Variants in SARNP observed in about 807,000 individuals in gnomAD.
SARNP encodes SAP domain containing ribonucleoprotein.
Under a neutral mutation model 38.1 loss-of-function variants are expected in SARNP, and 5 were observed. The ratio of observed to expected loss-of-function variants is 0.13; its 90% CI spans 0.07 to 0.28. SARNP has a LOEUF of 0.28. Among genes scored for constraint, SARNP ranks in the 10% least tolerant of loss-of-function variants. The pLI, the probability that SARNP is intolerant of heterozygous loss-of-function variation, is 1.00. For synonymous variants in SARNP, 84 were observed against 80.6 expected (o/e 1.04, Z -0.23); for missense variants, 180 against 243.9 (o/e 0.74, Z 1.75).
chr12:55,769,222 G>A (rs1291873173), intron 9 of SARNP, among the ~76,000 whole-genome samples: 2 of 152,180 alleles, frequency 1.3e-5, no homozygotes, highest in African/African-American at 2.4e-5. Context: ...ACTGAATTAT[G>A]TGACATCAGG....
chr12:55,798,737 C>T (rs758804703), intron 4 of SARNP, among the ~76,000 whole-genome samples: 7 of 151,976 alleles, frequency 4.6e-5, no homozygotes, highest in Admixed American at 1.3e-4. Context: ...CTATTAAATG[C>T]TAGAAAGAAC....
intron 6 of SARNP, among the ~76,000 whole-genome samples, chr12:55,794,597 C>T (rs1045370513): frequency 2.0e-5 from 3 of 152,200 alleles, no homozygotes; most frequent in African/African-American, 7.2e-5. Flanking sequence ...CTGGCTTTAA[C>T]TGTTACAAAA....
In SARNP at chr12:55,757,596, ATAGT is replaced by A. The variant is rs985574134; in HGVS notation, c.592-47_592-44del. 2.6e-6 allele frequency: 4 copies of A among 1,540,124 alleles called. No individual in the cohort carries two copies. In the African/African-American group the frequency reaches 4.1e-5, roughly 16 times the overall value. ...GAAGAAAAAAATTAGACTGAAGACA[ATAGT>A]TGCCTGGGTTCCTGGCTGCTTTAAT... On this transcript the variant is annotated intron_variant, in intron 10 of 10. Coordinates refer to ENST00000336133, the MANE Select transcript of SARNP (RefSeq NM_033082.4).
intron 9 of SARNP, among the ~76,000 whole-genome samples, chr12:55,781,993 T>C (rs1004526780): frequency 6.6e-6 from 1 of 152,206 alleles, no homozygotes; most frequent in Non-Finnish European, 1.5e-5. Flanking sequence ...TGTGAACCTC[T>C]GTGCCCAGTC....
intron 9 of SARNP, among the ~76,000 whole-genome samples, chr12:55,768,048 AAC>A (rs1565671661): frequency 6.6e-6 from 1 of 152,130 alleles, no homozygotes; most frequent in Non-Finnish European, 1.5e-5. Context: ...GTTGTGGAAG[AAC>A]AGTTACTGGA....
chr12:55,773,471 C>T (rs1403161213), intron 9 of SARNP, among the ~76,000 whole-genome samples: 3 of 152,160 alleles, frequency 2.0e-5, no homozygotes, highest in Non-Finnish European at 4.4e-5. Flanking sequence ...TCACAGAGGA[C>T]TCTAGGTAGC....
chr12:55,773,694 A>G (rs1278888843), intron 9 of SARNP, among the ~76,000 whole-genome samples: 1 of 152,162 alleles, frequency 6.6e-6, no homozygotes, highest in African/African-American at 2.4e-5. Context: ...AAAGTGGGGG[A>G]AAAGGAAAAT....
downstream of SARNP, chr12:55,754,025 G>A (rs2136171170): frequency 6.6e-6 from 1 of 152,326 alleles, no homozygotes; most frequent in South Asian, 2.1e-4. Context: ...CAGAATTGGG[G>A]ACAGCGCTAC....
intron 9 of SARNP, among the ~76,000 whole-genome samples, chr12:55,776,898 C>CA (rs1270113550): frequency 6.6e-6 from 1 of 152,144 alleles, no homozygotes. Context: ...GTTTGTCTGG[C>CA]AAAAACAAAC....
At chr12:55,756,176 G>A, downstream of SARNP, 1 of 152,178 alleles carries the variant, frequency 6.6e-6, no homozygotes, top group East Asian at 1.9e-4. Flanking sequence ...ACAGAAAAGA[G>A]GGAAAAGGGA....
chr12:55,763,149 T>C (rs758845371), intron 9 of SARNP, among the ~76,000 whole-genome samples: 2 of 152,180 alleles, frequency 1.3e-5, no homozygotes, highest in South Asian at 2.1e-4. Context: ...CTCTGAACTA[T>C]TGTAAAAACA....
chr12:55,794,497 G>T, intron 6 of SARNP, 110 bp from the exon 7 acceptor site: 1 of 917,740 alleles, frequency 1.1e-6, no homozygotes, highest in Non-Finnish European at 1.7e-6. Flanking sequence ...CTCAAGCCTT[G>T]CAATCATTAG....
At chr12:55,768,330 A>G (rs1377844323) in intron 9 of SARNP, among the ~76,000 whole-genome samples, 2 of 151,194 alleles carry the variant, frequency 1.3e-5, no homozygotes, top group East Asian at 3.9e-4. Context: ...GGGTTTCTCC[A>G]TGTTGGCTTG....
rs1372884262 is a variant in SARNP at position 55,816,009 on chromosome 12, A to AATGT, written c.36+1653_36+1656dup. On this transcript the variant is annotated intron_variant, in intron 1 of 10. Transcript: ENST00000336133. ...CCTTTTTAGGCTGTCAGGAGTGCCT[A>AATGT]ATGTTCTCTTAGACTGTAACACTGA... is the stretch of plus-strand genomic sequence containing the variant. 2.6e-5 allele frequency: 4 copies of AATGT among 152,330 alleles called. No homozygotes were observed. In the East Asian group the frequency reaches 5.8e-4, roughly 22 times the overall value. 9.4% of individuals were successfully genotyped at this position (152,330 alleles called of 1,614,324 possible).
intron 9 of SARNP, among the ~76,000 whole-genome samples, chr12:55,769,860 T>C (rs926543547): frequency 6.6e-6 from 1 of 152,208 alleles, no homozygotes; most frequent in African/African-American, 2.4e-5. Context: ...GTTCTGGGAT[T>C]TTTAAGGTCA....
chr12:55,802,053 G>A (rs2136201703), intron 2 of SARNP, among the ~76,000 whole-genome samples: 1 of 152,298 alleles, frequency 6.6e-6, no homozygotes, highest in South Asian at 2.1e-4. Flanking sequence ...ATTGTGAAAT[G>A]TTTAAACTTT....
At chr12:55,817,413 G>A (rs1880526499) in intron 1 of SARNP, among the ~76,000 whole-genome samples, 1 of 152,218 alleles carries the variant, frequency 6.6e-6, no homozygotes, top group South Asian at 2.1e-4. Flanking sequence ...ACACAACCCA[G>A]TGGGGAAGGG....
At chr12:55,814,791 C>G (rs529845614) in intron 1 of SARNP, among the ~76,000 whole-genome samples, 7 of 152,016 alleles carry the variant, frequency 4.6e-5, no homozygotes, top group Admixed American at 1.3e-4. Context: ...ATTGCTTGAA[C>G]CTGGAAGGCG....
At chr12:55,770,381 C>G (rs1369531776) in intron 9 of SARNP, among the ~76,000 whole-genome samples, 2 of 151,236 alleles carry the variant, frequency 1.3e-5, no homozygotes, top group East Asian at 3.9e-4. Context: ...CGCCCACCAC[C>G]ACGCCCAGCT....
Sources: allele counts gnomAD v4.1 joint callset (sites outside exome capture counted in the v4.1 genomes callset), GRCh38; gene constraint gnomAD v4.1.1; transcripts MANE v1.5; gene names NCBI Gene and HGNC (gene_info 2026-07-23, HGNC 2026-07-21).